Variants in RIT2 observed in about 807,000 individuals in gnomAD.
RIT2 encodes Ras like without CAAX 2.
Under a neutral mutation model 23.7 loss-of-function variants are expected in RIT2, and 24 were observed. That is an observed-to-expected ratio of 1.01 (90% CI 0.73 to 1.43). The LOEUF (loss-of-function observed/expected upper bound fraction) is 1.43, where lower values mean the gene tolerates loss of function less well. Ranked by LOEUF, RIT2 falls within the 40% of genes most tolerant of loss-of-function variation. The probability of loss-of-function intolerance (pLI) is 0.00; values close to 1 mark genes in which losing one functional copy is unlikely to be tolerated. For synonymous variants in RIT2, 107 were observed against 91.1 expected, an observed-to-expected ratio of 1.17 and a Z score of -0.99; for missense variants, 236 against 266.9, an observed-to-expected ratio of 0.88 and a Z score of 0.81.
At chr18:43,073,589 A>C (rs1912945607) in intron 1 of RIT2, among the ~76,000 whole-genome samples, 1 of 152,170 alleles carries the variant, frequency 6.6e-6, no homozygotes, top group East Asian at 1.9e-4. Context: ...TAAGCCTTTA[A>C]ATTAAAACAT....
At chr18:43,034,443 T>A (rs1442775596) in intron 1 of RIT2, among the ~76,000 whole-genome samples, 1 of 152,206 alleles carries the variant, frequency 6.6e-6, no homozygotes, top group Non-Finnish European at 1.5e-5. Context: ...TTCTGTACCC[T>A]CCACATTATT....
chr18:42,970,164 G>T (rs1463489669), intron 3 of RIT2, among the ~76,000 whole-genome samples: 1 of 151,800 alleles, frequency 6.6e-6, no homozygotes, highest in African/African-American at 2.4e-5. Flanking sequence ...CATTTTCCAC[G>T]TATGTAATGA....
intron 1 of RIT2, among the ~76,000 whole-genome samples, chr18:43,040,738 G>T (rs1912108438): frequency 6.6e-6 from 1 of 152,070 alleles, no homozygotes; most frequent in South Asian, 2.1e-4. Flanking sequence ...CACATAGCAG[G>T]CTTCAGCATA....
chr18:43,095,905 G>T (rs934059348), intron 1 of RIT2, among the ~76,000 whole-genome samples: 1 of 151,930 alleles, frequency 6.6e-6, no homozygotes, highest in Non-Finnish European at 1.5e-5. Context: ...AGTCAAGAGA[G>T]GTTGGTCACT....
chr18:42,779,393 T>C (rs867909176), intron 4 of RIT2, among the ~76,000 whole-genome samples: 3 of 152,262 alleles, frequency 2.0e-5, no homozygotes, highest in Middle Eastern at 3.4e-3. Context: ...AACAAACACA[T>C]AACCTGATCA....
chr18:42,790,529 G>A (rs1053843360), intron 4 of RIT2, among the ~76,000 whole-genome samples: 2 of 152,122 alleles, frequency 1.3e-5, no homozygotes, highest in African/African-American at 4.8e-5. Context: ...TGCAAGCTCC[G>A]CCTCCTGGGT....
At chr18:42,905,060 C>T (rs1908574838) in intron 4 of RIT2, among the ~76,000 whole-genome samples, 1 of 152,082 alleles carries the variant, frequency 6.6e-6, no homozygotes, top group South Asian at 2.1e-4. Context: ...ATCTGCATGC[C>T]TTCACACAGT....
intron 4 of RIT2, among the ~76,000 whole-genome samples, chr18:42,769,292 A>T (rs1913494625): frequency 6.6e-6 from 1 of 152,100 alleles, no homozygotes; most frequent in Non-Finnish European, 1.5e-5. Flanking sequence ...ATTTTTTTAA[A>T]CTTCTACATT....
intron 4 of RIT2, among the ~76,000 whole-genome samples, chr18:42,903,654 A>C (rs947585211): frequency 3.2e-4 from 48 of 152,058 alleles, no homozygotes; most frequent in African/African-American, 1.2e-3. Context: ...ATCCATCCCC[A>C]CAAAAAGGAT....
chr18:42,942,514 A>G (rs1329169437), intron 3 of RIT2, among the ~76,000 whole-genome samples: 1 of 152,040 alleles, frequency 6.6e-6, no homozygotes, highest in East Asian at 1.9e-4. Context: ...ATTTTCATCA[A>G]TGTTGTTTTG....
intron 2 of RIT2, among the ~76,000 whole-genome samples, chr18:43,001,374 GA>G (rs1911103528): frequency 6.6e-6 from 1 of 151,892 alleles, no homozygotes; most frequent in African/African-American, 2.4e-5. Flanking sequence ...AAATTTCAAG[GA>G]AAAATATTTT....
chr18:42,785,696 A>G (rs1349555025), intron 4 of RIT2, among the ~76,000 whole-genome samples: 2 of 152,164 alleles, frequency 1.3e-5, no homozygotes, highest in African/African-American at 4.8e-5. Flanking sequence ...CTCACTTATA[A>G]AATAGTATTG....
At chr18:42,884,356 C>T (rs1292030936) in intron 4 of RIT2, among the ~76,000 whole-genome samples, 2 of 152,188 alleles carry the variant, frequency 1.3e-5, no homozygotes, top group Admixed American at 1.3e-4. Flanking sequence ...CTATGACAAA[C>T]CCAAGACAAT....
intron 3 of RIT2, among the ~76,000 whole-genome samples, chr18:42,958,999 G>T (rs1910038644): frequency 6.6e-6 from 1 of 152,038 alleles, no homozygotes; most frequent in South Asian, 2.1e-4. Flanking sequence ...ATGTCTTAAA[G>T]CCTTCATTGA....
intron 4 of RIT2, among the ~76,000 whole-genome samples, chr18:42,747,801 T>G (rs573304793): frequency 2.1e-3 from 313 of 152,186 alleles, no homozygotes; most frequent in African/African-American, 6.7e-3. Context: ...GACACCCTAC[T>G]CAACAAATGG....
intron 4 of RIT2, among the ~76,000 whole-genome samples, chr18:42,895,215 A>ATTGTCCTG (rs1458559973): frequency 6.6e-6 from 1 of 152,156 alleles, no homozygotes; most frequent in African/African-American, 2.4e-5. Flanking sequence ...AGTGACTTAA[A>ATTGTCCTG]TTGTCCTGTT....
At chr18:42,880,442 C>G (rs918371014) in intron 4 of RIT2, among the ~76,000 whole-genome samples, 3 of 152,146 alleles carry the variant, frequency 2.0e-5, no homozygotes, top group Non-Finnish European at 2.9e-5. Context: ...ATTCAATCTA[C>G]CAGCTGTAGC....
chr18:43,087,611 A>T (rs1598778116), intron 1 of RIT2, among the ~76,000 whole-genome samples: 1 of 152,296 alleles, frequency 6.6e-6, no homozygotes, highest in South Asian at 2.1e-4. Context: ...AATAAAAACC[A>T]CAGGTCATTT....
intron 1 of RIT2, among the ~76,000 whole-genome samples, chr18:43,042,106 T>C (rs912236402): frequency 1.3e-5 from 2 of 152,150 alleles, no homozygotes; most frequent in Admixed American, 6.5e-5. Context: ...CCTTTGAGAA[T>C]TGATGTCCTG....
Sources: gnomAD v4.1 joint callset for allele counts (sites outside exome capture counted in the v4.1 genomes callset) on GRCh38, gnomAD v4.1.1 for gene constraint, MANE v1.5 for transcripts, NCBI Gene and HGNC (gene_info 2026-07-23, HGNC 2026-07-21) for gene names.